Variants in NETO1 observed in about 807,000 individuals in gnomAD.
NETO1 encodes the protein neuropilin and tolloid like 1, also known as neuropilin and tolloid-like protein 1.
A neutral mutation model predicts 61.3 loss-of-function variants in NETO1; 26 were observed. The observed-to-expected ratio is 0.42, with a 90% confidence interval of 0.31 to 0.59. The LOEUF (loss-of-function observed/expected upper bound fraction) is 0.59. Ranked by LOEUF, NETO1 falls within the 20% of genes least tolerant of loss-of-function variation. The pLI is 0.12. For missense variants in NETO1, 531 were observed against 662.8 expected (o/e 0.80, Z 2.18); for synonymous variants, 225 against 225.8 (o/e 1.00, Z 0.03).
chr18:72,796,080 T>C (rs1211079526), intron 4 of NETO1, among the ~76,000 whole-genome samples: 3 of 152,222 alleles, frequency 2.0e-5, no homozygotes, highest in African/African-American at 7.2e-5. Context: ...AGAAATATTT[T>C]ATGAGACATT....
At chr18:72,784,118 C>A (rs1411809612) in intron 6 of NETO1, among the ~76,000 whole-genome samples, 1 of 151,954 alleles carries the variant, frequency 6.6e-6, no homozygotes, top group Non-Finnish European at 1.5e-5. Context: ...TACTTAAATG[C>A]ACCATTTTCT....
chr18:72,842,166 A>C (rs1179928796), intron 4 of NETO1, among the ~76,000 whole-genome samples: 1 of 152,126 alleles, frequency 6.6e-6, no homozygotes, highest in Non-Finnish European at 1.5e-5. Flanking sequence ...CTGTGGGGGG[A>C]AATGTTCAAA....
chr18:72,758,495 G>A (rs769948360), intron 7 of NETO1, among the ~76,000 whole-genome samples: 43 of 151,716 alleles, frequency 2.8e-4, no homozygotes, highest in Admixed American at 4.6e-4. Context: ...AAGAATTGCT[G>A]TGCAAATGAA....
At chr18:72,788,206 G>T (rs1163534055) in intron 6 of NETO1, among the ~76,000 whole-genome samples, 1 of 151,998 alleles carries the variant, frequency 6.6e-6, no homozygotes, top group African/African-American at 2.4e-5. Context: ...TTATTAAATA[G>T]AACACTAATT....
At chr18:72,826,412 G>A (rs2145346062) in intron 4 of NETO1, among the ~76,000 whole-genome samples, 1 of 151,474 alleles carries the variant, frequency 6.6e-6, no homozygotes, top group Admixed American at 6.6e-5. Flanking sequence ...GCACTATCTT[G>A]CTGGGATTTT....
chr18:72,843,687 C>G (rs1042522812), intron 4 of NETO1, among the ~76,000 whole-genome samples: 1 of 152,136 alleles, frequency 6.6e-6, no homozygotes, highest in African/African-American at 2.4e-5. Flanking sequence ...CAGAAAAAAA[C>G]GTCCCTCTGT....
intron 6 of NETO1, among the ~76,000 whole-genome samples, chr18:72,793,158 A>G (rs1002174403): frequency 2.6e-5 from 4 of 152,208 alleles, no homozygotes; most frequent in Non-Finnish European, 5.9e-5. Context: ...TTGCGACTTT[A>G]TAGAGTCACA....
chr18:72,823,610 G>A (rs999935812), intron 4 of NETO1, among the ~76,000 whole-genome samples: 2 of 152,150 alleles, frequency 1.3e-5, no homozygotes, highest in African/African-American at 4.8e-5. Context: ...GGCAGGGCAG[G>A]TGGTGAAGAG....
intron 4 of NETO1, among the ~76,000 whole-genome samples, chr18:72,817,210 C>A (rs73471852): frequency 2.0e-5 from 3 of 152,208 alleles, no homozygotes; most frequent in Admixed American, 1.3e-4. Context: ...CTGCTACCTT[C>A]TGAAACATTC....
intron 4 of NETO1, among the ~76,000 whole-genome samples, chr18:72,798,730 T>C (rs1293377915): frequency 6.6e-6 from 1 of 152,200 alleles, no homozygotes; most frequent in Non-Finnish European, 1.5e-5. Flanking sequence ...GAGAGCTTCT[T>C]TGAAAAGGGT....
chr18:72,785,488 C>G (rs1368366068), intron 6 of NETO1, among the ~76,000 whole-genome samples: 1 of 152,102 alleles, frequency 6.6e-6, no homozygotes, highest in Non-Finnish European at 1.5e-5. Context: ...CTAATAAAAA[C>G]TAGTTTACTC....
intron 4 of NETO1, among the ~76,000 whole-genome samples, chr18:72,821,330 G>A (rs2073189594): frequency 1.3e-5 from 2 of 151,022 alleles, no homozygotes; most frequent in Non-Finnish European, 2.9e-5. Context: ...ATCACCTGAG[G>A]TCGGGAGTTC....
rs971919334 is a variant in NETO1, at chr18:72,744,465, G to T, written c.*3714C>A. On this transcript the variant is annotated 3_prime_UTR_variant, in exon 11 of 11. Transcript: ENST00000327305. ...GCATAGAGATTGATAATTAACTCAA[G>T]ACCTGTTTATTTTGTTGTTGAATCT... The T allele has an allele frequency of 1.3e-5, 2 of 152,054 alleles. No individual in the cohort carries two copies. Among genetic ancestry groups the T allele is most frequent in the African/African-American group, 4.8e-5 (2 of 41,402 alleles). 9.4% of individuals were successfully genotyped at this position (152,054 alleles called of 1,614,324 possible). A position where few individuals can be genotyped will look rare whatever the true frequency, so the allele number is the denominator to read the frequency against.
chr18:72,799,380 CG>C (rs2072426915), intron 4 of NETO1, among the ~76,000 whole-genome samples: 1 of 152,148 alleles, frequency 6.6e-6, no homozygotes, highest in Non-Finnish European at 1.5e-5. Context: ...CATGAGGATA[CG>C]TTATGTGCAC....
rs1425842801 is a variant in NETO1 at position 72,744,322 on chromosome 18, G to A, written c.*3857C>T. On this transcript the variant is annotated 3_prime_UTR_variant, in exon 11 of 11. Coordinates refer to ENST00000327305, the MANE Select transcript of NETO1 (RefSeq NM_138966.5). ...AATCATAATTGTAAATTAACAAAGG[G>A]CCTCAGATTTATTTAGCAGGATTAT... 6.6e-6 allele frequency: 1 copy of A among 152,030 alleles called. No individual in the cohort carries two copies. Among genetic ancestry groups the A allele is most frequent in the Non-Finnish European group, 1.5e-5 (1 of 68,000 alleles). The allele number at this position is 152,030 out of a possible 1,614,324, so 9.4% of individuals were successfully genotyped here.
intron 4 of NETO1, among the ~76,000 whole-genome samples, chr18:72,828,633 A>G (rs1233067856): frequency 6.6e-6 from 1 of 152,250 alleles, no homozygotes. Flanking sequence ...TCTAGAAGGT[A>G]TAATGTATTC....
intron 4 of NETO1, 47 bp downstream of exon 4, chr18:72,858,779 G>A: frequency 6.6e-7 from 1 of 1,524,130 alleles, no homozygotes; most frequent in Non-Finnish European, 8.8e-7. Flanking sequence ...TATGAAGATA[G>A]AAAAATGAGG....
chr18:72,866,186 A>G (rs142981363), intron 1 of NETO1, among the ~76,000 whole-genome samples: 6 of 152,314 alleles, frequency 3.9e-5, no homozygotes, highest in African/African-American at 1.2e-4. Flanking sequence ...TAAAAGGTCT[A>G]TGTTTTCACA....
intron 4 of NETO1, among the ~76,000 whole-genome samples, chr18:72,812,708 T>C (rs2072907404): frequency 6.6e-6 from 1 of 152,192 alleles, no homozygotes; most frequent in Admixed American, 6.5e-5. Context: ...CTCTCTAGAA[T>C]GTACCTCTGA....
Sources: allele counts gnomAD v4.1 joint callset (sites outside exome capture counted in the v4.1 genomes callset), GRCh38; gene constraint gnomAD v4.1.1; transcripts MANE v1.5; gene names NCBI Gene and HGNC (gene_info 2026-07-23, HGNC 2026-07-21).